GLIS3: variants seen among roughly 807,000 people sequenced by gnomAD.
GLIS3 encodes zinc finger protein GLIS3.
Under a neutral mutation model 78.6 loss-of-function variants are expected in GLIS3, and 53 were observed. The ratio of observed to expected loss-of-function variants is 0.67; its 90% CI spans 0.54 to 0.85. GLIS3 has a LOEUF of 0.85. Among genes scored for constraint, GLIS3 ranks in the 40% least tolerant of loss-of-function variants. The pLI, the probability that GLIS3 is intolerant of heterozygous loss-of-function variation, is 0.00. For missense variants in GLIS3, 1,703 were observed against 1,231.1 expected (o/e 1.38, Z -5.74); for synonymous variants, 684 against 509.9 (o/e 1.34, Z -4.60).
At chr9:4,136,448 T>C (rs1272089491) in intron 2 of GLIS3, among the ~76,000 whole-genome samples, 1 of 152,188 alleles carries the variant, frequency 6.6e-6, no homozygotes, top group Non-Finnish European at 1.5e-5. Flanking sequence ...GAACCCCTAA[T>C]ACAACAAAGT....
At chr9:4,437,420 GTATC>G in the GLIS3 span, among the ~76,000 whole-genome samples, 5,740 of 126,878 alleles carry the variant, frequency 0.045, 130 homozygotes, top group Middle Eastern at 0.074. Flanking sequence ...ATGTATGTAT[GTATC>G]TATCTATCTA....
intron 7 of GLIS3, among the ~76,000 whole-genome samples, chr9:3,895,304 A>T: frequency 6.6e-6 from 1 of 152,216 alleles, no homozygotes. Context: ...CTGGGGCATT[A>T]TTATATGGAA....
intron 9 of GLIS3, among the ~76,000 whole-genome samples, chr9:3,836,538 C>A (rs775232062): frequency 6.6e-6 from 1 of 152,222 alleles, no homozygotes; most frequent in Admixed American, 6.5e-5. Flanking sequence ...TCTTTTCCAG[C>A]ACTCTATGGC....
chr9:4,343,189 A>C (rs1817858892), intron 2 of GLIS3, among the ~76,000 whole-genome samples: 1 of 152,152 alleles, frequency 6.6e-6, no homozygotes, highest in Non-Finnish European at 1.5e-5. Flanking sequence ...AAAAAATTAA[A>C]AAATTAGTCA....
chr9:4,023,064 T>C (rs1254115683), intron 4 of GLIS3, among the ~76,000 whole-genome samples: 1 of 152,212 alleles, frequency 6.6e-6, no homozygotes, highest in Non-Finnish European at 1.5e-5. Context: ...TAATTTACTA[T>C]ACACAGATAA....
chr9:4,284,325 G>A (rs1827800231), intron 2 of GLIS3, among the ~76,000 whole-genome samples: 1 of 152,118 alleles, frequency 6.6e-6, no homozygotes, highest in Non-Finnish European at 1.5e-5. Flanking sequence ...CATTATTAGT[G>A]TCAGTCAGGA....
At position 3,879,532 on chromosome 9, in the gene GLIS3, G is replaced by T. The variant is rs559017332; in HGVS notation, c.2192C>A (p.Pro731Gln). 6.2e-7 allele frequency: 1 copy of T among 1,614,110 alleles called. No homozygotes were observed. The highest frequency in any genetic ancestry group is 1.3e-5 in the African/African-American group (1 of 75,038). Residue 731 changes from proline to glutamine, a missense_variant, in exon 8 of 11, where the codon CCA (proline) becomes CAA (glutamine). Pro to Gln is a moderately conservative substitution (Grantham distance 76). Coordinates refer to ENST00000381971, the MANE Select transcript of GLIS3 (RefSeq NM_001042413.2). ...SGTAAGAVPP[P>Q]HPVSHPSPGH... ...TGGAGAAGGGTGACTGACAGGATGT[G>T]GGGGTGGTACGGCCCCAGCAGCTGT...
chr9:4,437,432 C>G, the GLIS3 span, among the ~76,000 whole-genome samples: 28,405 of 102,204 alleles, frequency 0.28, 2,858 homozygotes, highest in South Asian at 0.37. Context: ...ATCTATCTAT[C>G]TATCTATCTA....
chr9:3,991,778 C>T (rs559524006), intron 4 of GLIS3, among the ~76,000 whole-genome samples: 2 of 149,520 alleles, frequency 1.3e-5, no homozygotes, highest in Non-Finnish European at 3.0e-5. Flanking sequence ...GCAAGCTCCG[C>T]CTCCCGGCTT....
chr9:4,219,413 C>T (rs978659375), intron 2 of GLIS3, among the ~76,000 whole-genome samples: 4 of 152,216 alleles, frequency 2.6e-5, no homozygotes, highest in Admixed American at 2.6e-4. Flanking sequence ...TGACTGCATC[C>T]TCTACAAATT....
At position 4,286,225 on chromosome 9, in the gene GLIS3, C is replaced by A; in HGVS notation, c.201G>T (p.Gly67=). Residue 67 remains glycine (G), a synonymous_variant, in exon 2 of 11, where the codon GGG becomes GGT. Transcript: ENST00000381971. The part of the protein sequence containing the change: ...NLHLKMPSGG[G]MAPQNNVAES... ...CAGCCACGTTGTTCTGAGGAGCCAT[C>A]CCTCCTCCTGAGGGCATCTTGAGAT... is the stretch of plus-strand genomic sequence containing the variant. 3.7e-6 allele frequency: 6 copies of A among 1,614,210 alleles called. No homozygotes were observed. Among genetic ancestry groups the A allele is most frequent in the Non-Finnish European group, 5.1e-6 (6 of 1,180,038 alleles).
intron 2 of GLIS3, among the ~76,000 whole-genome samples, chr9:4,166,313 G>C (rs1264606507): frequency 6.6e-6 from 1 of 152,128 alleles, no homozygotes; most frequent in Non-Finnish European, 1.5e-5. Flanking sequence ...GATACACTTT[G>C]ATACAGTGAA....
At chr9:4,090,080 C>G (rs1300304572) in intron 4 of GLIS3, among the ~76,000 whole-genome samples, 1 of 152,120 alleles carries the variant, frequency 6.6e-6, no homozygotes, top group African/African-American at 2.4e-5. Flanking sequence ...GGGTATGATT[C>G]CTATTCCCAT....
intron 4 of GLIS3, among the ~76,000 whole-genome samples, chr9:3,985,376 G>A (rs1166599148): frequency 6.6e-6 from 1 of 152,116 alleles, no homozygotes; most frequent in Non-Finnish European, 1.5e-5. Context: ...TCAAACTCCT[G>A]AGCTCAGGCA....
chr9:4,400,454 G>A, the GLIS3 span, among the ~76,000 whole-genome samples: 2 of 152,128 alleles, frequency 1.3e-5, no homozygotes, highest in African/African-American at 4.8e-5. Flanking sequence ...TGAGACATGA[G>A]TTATGTGACA....
the GLIS3 span, among the ~76,000 whole-genome samples, chr9:4,416,681 C>G: frequency 1.3e-5 from 2 of 152,208 alleles, no homozygotes; most frequent in South Asian, 4.1e-4. Flanking sequence ...GTCACTTCCT[C>G]TGGGACACCT....
chr9:4,235,952 C>G (rs1161173917), intron 2 of GLIS3, among the ~76,000 whole-genome samples: 1 of 151,970 alleles, frequency 6.6e-6, no homozygotes, highest in Admixed American at 6.6e-5. Context: ...CTCTAATGAA[C>G]AAAATAACTA....
intron 8 of GLIS3, among the ~76,000 whole-genome samples, chr9:3,861,215 A>C (rs1367291770): frequency 6.6e-6 from 1 of 152,170 alleles, no homozygotes; most frequent in Admixed American, 6.5e-5. Context: ...ACGTCTATAG[A>C]GTTCTTAGAA....
At position 3,898,812 on chromosome 9, in the gene GLIS3, A is replaced by T. The variant is rs1823067504; in HGVS notation, c.2007T>A (p.His669Gln). The change falls in exon 7 of 11, where the codon CAT (histidine) becomes CAA (glutamine). Residue 669 changes from histidine to glutamine, a missense_variant. Coordinates refer to ENST00000381971, the MANE Select transcript of GLIS3 (RefSeq NM_001042413.2). ...TGAGGCAATCTGTGAGCAGGTCTGGATGGAGCTCTGTGCTGGACCGCAACT... is the reference window on the plus strand; with the variant it reads ...TGAGGCAATCTGTGAGCAGGTCTGGTTGGAGCTCTGTGCTGGACCGCAACT... ...RKKLRSSTEL[H>Q]PDLLTDCLTV... 2 of 1,614,052 alleles carry T rather than the reference A, an allele frequency of 1.2e-6. No homozygotes were observed. The highest frequency in any genetic ancestry group is 2.2e-5 in the South Asian group (2 of 91,086).
Sources: allele counts gnomAD v4.1 joint callset (sites outside exome capture counted in the v4.1 genomes callset), GRCh38; gene constraint gnomAD v4.1.1; transcripts MANE v1.5; gene names NCBI Gene and HGNC (gene_info 2026-07-23, HGNC 2026-07-21).